Variants in GPHN observed in about 807,000 individuals in gnomAD.
GPHN encodes the protein gephyrin.
A neutral mutation model predicts 95.5 loss-of-function variants in GPHN; 17 were observed. That is an observed-to-expected ratio of 0.18 (90% CI 0.12 to 0.27). The LOEUF (loss-of-function observed/expected upper bound fraction) is 0.27, where lower values mean the gene tolerates loss of function less well. Ranked by LOEUF, GPHN falls within the 10% of genes least tolerant of loss-of-function variation. The pLI is 1.00. For synonymous variants in GPHN, 320 were observed against 322.5 expected, an observed-to-expected ratio of 0.99 and a Z score of 0.08; for missense variants, 660 against 978.1, an observed-to-expected ratio of 0.67 and a Z score of 4.34.
the GPHN span, among the ~76,000 whole-genome samples, chr14:67,229,306 T>C: frequency 5.9e-5 from 9 of 152,172 alleles, no homozygotes; most frequent in African/African-American, 2.2e-4. Flanking sequence ...ACACAAATAG[T>C]ACTGGTTTTT....
At chr14:67,649,742 G>C in the GPHN span, 1 of 152,144 alleles carries the variant, frequency 6.6e-6, no homozygotes, top group Non-Finnish European at 1.5e-5. Context: ...AGCACATCAT[G>C]TACTATAGTG....
chr14:66,571,441 C>G (rs1435311356), intron 1 of GPHN, among the ~76,000 whole-genome samples: 1 of 152,138 alleles, frequency 6.6e-6, no homozygotes, highest in Non-Finnish European at 1.5e-5. Flanking sequence ...TGTAGGCTGT[C>G]TCTTCACTCT....
the GPHN span, chr14:67,208,424 A>T: frequency 6.2e-7 from 1 of 1,613,926 alleles, no homozygotes; most frequent in Non-Finnish European, 8.5e-7. Flanking sequence ...TTTTCAGAGC[A>T]CAGCTCTCAA....
the GPHN span, among the ~76,000 whole-genome samples, chr14:67,314,847 T>G: frequency 6.6e-6 from 1 of 152,118 alleles, no homozygotes; most frequent in Non-Finnish European, 1.5e-5. Context: ...TCCCAGCACT[T>G]TGGGAGGCTG....
the GPHN span, among the ~76,000 whole-genome samples, chr14:67,319,379 AC>A: frequency 6.6e-6 from 1 of 152,112 alleles, no homozygotes; most frequent in African/African-American, 2.4e-5. Context: ...TAGGAATGTT[AC>A]CCCACCTGTC....
chr14:67,112,286 A>C (rs938383592), intron 15 of GPHN, among the ~76,000 whole-genome samples: 1 of 152,224 alleles, frequency 6.6e-6, no homozygotes, highest in Non-Finnish European at 1.5e-5. Context: ...CAATTAACTA[A>C]TAGCATATGC....
chr14:67,616,192 A>G, the GPHN span: 4 of 229,956 alleles, frequency 1.7e-5, no homozygotes, highest in Admixed American at 1.6e-4. Context: ...GAAATGTAAG[A>G]CTTGTTTTTA....
At chr14:66,787,261 GA>G (rs905415727) in intron 3 of GPHN, among the ~76,000 whole-genome samples, 1 of 152,010 alleles carries the variant, frequency 6.6e-6, no homozygotes, top group African/African-American at 2.4e-5. Flanking sequence ...TTGTTCAAAA[GA>G]AAATAAAATA....
At chr14:67,284,387 C>T in the GPHN span, among the ~76,000 whole-genome samples, 3 of 141,874 alleles carry the variant, frequency 2.1e-5, no homozygotes, top group Admixed American at 7.3e-5. Flanking sequence ...CTCTTGAGCC[C>T]AGGAGTTTGA....
intron 1 of GPHN, among the ~76,000 whole-genome samples, chr14:66,593,440 A>G (rs1277353501): frequency 6.6e-6 from 1 of 152,180 alleles, no homozygotes; most frequent in Non-Finnish European, 1.5e-5. Context: ...GGCATGTCTT[A>G]CATGGCATCA....
rs1237842407 is a variant in GPHN at position 67,144,246 on chromosome 14, A to AT, written c.1836+797_1836+798insT. Among the ~76,000 whole-genome samples, 42 of 65,568 alleles carry AT rather than the reference A, an allele frequency of 6.4e-4. 1 individual carries two copies. The highest frequency in any genetic ancestry group is 3.1e-3 in the East Asian group (5 of 1,600). 43.0% of individuals were successfully genotyped at this position (65,568 alleles called of 152,430 possible). A position where few individuals can be genotyped will look rare whatever the true frequency, so the allele number is the denominator to read the frequency against. ...AGCAAGACCCTGTCTTAAAAAAAAA[A>AT]AAAAATATATATATATATATATATA... On this transcript the variant is annotated intron_variant, in intron 18 of 22. Transcript: ENST00000478722.
At position 66,776,478 on chromosome 14, in the gene GPHN, T is replaced by C. The variant is rs2153461197; in HGVS notation, c.158T>C (p.Ile53Thr). 6.4e-7 allele frequency: 1 copy of C among 1,570,434 alleles called. No individual in the cohort carries two copies. The highest frequency in any genetic ancestry group is 8.8e-7 in the Non-Finnish European group (1 of 1,142,040). ...VQDPSLLGGT[I>T]SAYKIVPDEI... is the part of the protein sequence containing the mutation. ...CCTAATTTCAGGTTGGGTGGGACTATATCAGCATACAAGATAGTACCAGAT... is the reference window on the plus strand; with the variant it reads ...CCTAATTTCAGGTTGGGTGGGACTACATCAGCATACAAGATAGTACCAGAT... Residue 53 changes from isoleucine to threonine, a missense_variant, in exon 3 of 23, where the codon ATA becomes ACA. Physicochemically the swap from Ile to Thr is moderately conservative, Grantham distance 89. Transcript: ENST00000478722.
chr14:66,859,980 A>T (rs139941659), intron 4 of GPHN, among the ~76,000 whole-genome samples: 1 of 152,160 alleles, frequency 6.6e-6, no homozygotes, highest in African/African-American at 2.4e-5. Context: ...AAATGTAGAA[A>T]ATAGGCTCAA....
chr14:67,697,533 A>C, the GPHN span, among the ~76,000 whole-genome samples: 46 of 152,310 alleles, frequency 3.0e-4, 1 homozygote, highest in African/African-American at 1.1e-3. Flanking sequence ...TGTCCCAATG[A>C]TTTATATATA....
chr14:66,677,048 A>C (rs1446764377), intron 1 of GPHN, among the ~76,000 whole-genome samples: 1 of 151,984 alleles, frequency 6.6e-6, no homozygotes, highest in African/African-American at 2.4e-5. Context: ...TATCCATTTA[A>C]TATAAGTTTT....
At chr14:67,222,944 A>G in the GPHN span, among the ~76,000 whole-genome samples, 6 of 151,356 alleles carry the variant, frequency 4.0e-5, no homozygotes, top group South Asian at 1.3e-3. Flanking sequence ...ACAGCAAATC[A>G]TTATAGAATA....
At chr14:66,821,478 G>A (rs976133946) in intron 3 of GPHN, among the ~76,000 whole-genome samples, 4 of 152,148 alleles carry the variant, frequency 2.6e-5, no homozygotes, top group African/African-American at 7.2e-5. Flanking sequence ...TATAGACTAA[G>A]AGCTCCTCTA....
the GPHN span, among the ~76,000 whole-genome samples, chr14:67,481,135 A>G: frequency 6.6e-6 from 1 of 152,022 alleles, no homozygotes; most frequent in Non-Finnish European, 1.5e-5. Context: ...CTACAAAAAG[A>G]AAAAAAAGTA....
chr14:66,863,029 T>A (rs2063088629), intron 4 of GPHN, among the ~76,000 whole-genome samples: 1 of 151,904 alleles, frequency 6.6e-6, no homozygotes, highest in South Asian at 2.1e-4. Flanking sequence ...AAGGAAGAAG[T>A]CAAATTATTC....
Sources: gnomAD v4.1 joint callset for allele counts (sites outside exome capture counted in the v4.1 genomes callset) on GRCh38, gnomAD v4.1.1 for gene constraint, MANE v1.5 for transcripts, NCBI Gene and HGNC (gene_info 2026-07-23, HGNC 2026-07-21) for gene names.